GLG1: variants seen among roughly 807,000 people sequenced by gnomAD.
The protein encoded by GLG1 is Golgi apparatus protein 1.
In GLG1, 38 loss-of-function variants were observed where a neutral mutation model predicts 160.5. The ratio of observed to expected loss-of-function variants is 0.24; its 90% confidence interval spans 0.18 to 0.31. The LOEUF is 0.31. Ranked by LOEUF, GLG1 falls within the 10% of genes least tolerant of loss-of-function variation. GLG1 has a pLI of 1.00. For missense variants in GLG1, 1,373 were observed against 1,505.2 expected (o/e 0.91, Z 1.45); for synonymous variants, 644 against 543.4 (o/e 1.19, Z -2.57).
intron 1 of GLG1, among the ~76,000 whole-genome samples, chr16:74,573,069 G>A (rs1336059616): frequency 1.3e-5 from 2 of 152,110 alleles, no homozygotes; most frequent in Non-Finnish European, 2.9e-5. Flanking sequence ...AGTGTTGAGT[G>A]ACTATATTGA....
intron 1 of GLG1, among the ~76,000 whole-genome samples, chr16:74,578,533 A>G (rs1957865732): frequency 6.6e-6 from 1 of 152,242 alleles, no homozygotes; most frequent in Non-Finnish European, 1.5e-5. Flanking sequence ...AAATAAGAGT[A>G]AAGAGCTAAA....
At chr16:74,520,347 A>C (rs1347474114) in intron 2 of GLG1, among the ~76,000 whole-genome samples, 1 of 152,126 alleles carries the variant, frequency 6.6e-6, no homozygotes, top group African/African-American at 2.4e-5. Context: ...CTTTATTTAA[A>C]AACACGTGGC....
intron 3 of GLG1, among the ~76,000 whole-genome samples, chr16:74,506,879 A>G (rs1028253661): frequency 6.6e-6 from 1 of 152,206 alleles, no homozygotes; most frequent in Non-Finnish European, 1.5e-5. Flanking sequence ...ATTTAAGAAT[A>G]GGAGTAAACT....
intron 8 of GLG1, among the ~76,000 whole-genome samples, chr16:74,486,912 A>G (rs965613344): frequency 6.8e-6 from 1 of 147,200 alleles, no homozygotes; most frequent in Admixed American, 6.9e-5. Context: ...TGGGGTAGAA[A>G]TCTTTTTTTT....
intron 2 of GLG1, among the ~76,000 whole-genome samples, chr16:74,520,159 T>C (rs546591138): frequency 2.8e-4 from 42 of 152,280 alleles, no homozygotes; most frequent in African/African-American, 1.0e-3. Context: ...CTTGCAGTCT[T>C]TTCATTTTCC....
chr16:74,483,205 G>A (rs1392017800), intron 9 of GLG1, 81 bp from the exon 10 acceptor site: 1 of 820,452 alleles, frequency 1.2e-6, no homozygotes, highest in Non-Finnish European at 2.0e-6. Flanking sequence ...CTGGTCTGTA[G>A]AAGGCGGCTT....
chr16:74,464,144 C>CCTCA (rs2014913698), intron 19 of GLG1, among the ~76,000 whole-genome samples: 1 of 152,154 alleles, frequency 6.6e-6, no homozygotes, highest in East Asian at 1.9e-4. Context: ...CTTTCTACTG[C>CCTCA]CTCACTGGTT....
chr16:74,563,726 CAAA>C (rs539716895), intron 1 of GLG1, among the ~76,000 whole-genome samples: 2 of 85,634 alleles, frequency 2.3e-5, no homozygotes, highest in Admixed American at 1.2e-4. Context: ...GACCCTGTCT[CAAA>C]AAAAAAAAAA....
intron 1 of GLG1, among the ~76,000 whole-genome samples, chr16:74,573,319 A>T (rs2018889904): frequency 6.6e-6 from 1 of 152,146 alleles, no homozygotes; most frequent in Non-Finnish European, 1.5e-5. Flanking sequence ...AGTGCTAAAT[A>T]TCTGGGTAAA....
intron 1 of GLG1, among the ~76,000 whole-genome samples, chr16:74,533,520 C>A (rs564324692): frequency 6.6e-6 from 1 of 152,166 alleles, no homozygotes; most frequent in African/African-American, 2.4e-5. Context: ...GTGGCTCACA[C>A]CTGTAATCCC....
At chr16:74,566,173 C>G (rs1268129844) in intron 1 of GLG1, among the ~76,000 whole-genome samples, 7 of 152,182 alleles carry the variant, frequency 4.6e-5, no homozygotes, top group Admixed American at 1.3e-4. Context: ...CAAGGTTTCT[C>G]CACTGTAAAA....
At chr16:74,602,543 G>T (rs1365598151) in intron 1 of GLG1, among the ~76,000 whole-genome samples, 6 of 152,330 alleles carry the variant, frequency 3.9e-5, no homozygotes, top group African/African-American at 1.4e-4. Context: ...CAGCACTTTG[G>T]GAGGCCGAGG....
chr16:74,597,215 C>A (rs2081497572), intron 1 of GLG1, among the ~76,000 whole-genome samples: 2 of 150,248 alleles, frequency 1.3e-5, no homozygotes, highest in African/African-American at 4.9e-5. Flanking sequence ...GGAGGATCAC[C>A]AGGTCAAGAG....
rs2014144705 is a variant in GLG1 at position 74,448,272 on chromosome 16, C to G, written c.*4895G>C. On this transcript the variant is annotated 3_prime_UTR_variant, in exon 26 of 26. Coordinates refer to ENST00000422840, the MANE Select transcript of GLG1 (RefSeq NM_001145667.2). ...AATGGGAGGGAAGGCAGGCAAGAACCTCAGACCCGGCCCCACGCCCTCTAG... is the reference window on the plus strand; with the variant it reads ...AATGGGAGGGAAGGCAGGCAAGAACGTCAGACCCGGCCCCACGCCCTCTAG... The G allele has an allele frequency of 6.6e-6, 1 of 152,288 alleles. No homozygotes were observed. The highest frequency in any genetic ancestry group is 6.5e-5 in the Admixed American group (1 of 15,272). 9.4% of individuals were successfully genotyped at this position (152,288 alleles called of 1,614,324 possible). A position where few individuals can be genotyped will look rare whatever the true frequency, so the allele number is the denominator to read the frequency against.
rs1441089068 is a variant in GLG1 at position 74,467,839 on chromosome 16, T to C, written c.2446A>G (p.Ile816Val). The change falls in exon 18 of 26, where the codon ATC becomes GTC. Residue 816 changes from isoleucine to valine, a missense_variant. By Grantham distance (29) the Ile-to-Val change is conservative. This residue lies in a region of GLG1 where 491 missense variants were observed against 632.1 expected (regional missense o/e 0.78). Transcript: ENST00000422840. ...TCGTATAGATCTGGCTCCAAGCGGA[T>C]GTCCTCCGTCTGCATGAGGGAGCCA... is the stretch of plus-strand genomic sequence containing the variant. ...RVEELEMTED[I>V]RLEPDLYEAC... 7.4e-6 allele frequency: 12 copies of C among 1,611,410 alleles called. No homozygotes were observed. In the East Asian group the frequency reaches 1.8e-4, roughly 24 times the overall value.
chr16:74,448,435 G>A lies in GLG1; in HGVS notation c.*4732C>T, dbSNP rs965150260. On this transcript the variant is annotated 3_prime_UTR_variant, in exon 26 of 26. Coordinates refer to ENST00000422840, the MANE Select transcript of GLG1 (RefSeq NM_001145667.2). ...CCCAAATGGTGAGAAATAAAAGGAAGCATTCTGGCCTTTCAGGTTTTTCAA... is the reference window on the plus strand; with the variant it reads ...CCCAAATGGTGAGAAATAAAAGGAAACATTCTGGCCTTTCAGGTTTTTCAA... 5.3e-5 allele frequency: 8 copies of A among 152,300 alleles called. No individual in the cohort carries two copies. Among genetic ancestry groups the A allele is most frequent in the African/African-American group, 1.7e-4 (7 of 41,566 alleles). 9.4% of individuals were successfully genotyped at this position (152,300 alleles called of 1,614,324 possible).
intron 1 of GLG1, among the ~76,000 whole-genome samples, chr16:74,598,722 G>A (rs1335856504): frequency 1.3e-5 from 2 of 150,170 alleles, no homozygotes; most frequent in African/African-American, 4.9e-5. Flanking sequence ...GTGAAACCTC[G>A]TCTCTACAAA....
intron 8 of GLG1, among the ~76,000 whole-genome samples, chr16:74,490,226 T>C (rs1237117494): frequency 6.6e-6 from 1 of 152,228 alleles, no homozygotes; most frequent in Non-Finnish European, 1.5e-5. Context: ...AAATCTCTAA[T>C]ACATTAACTT....
intron 1 of GLG1, among the ~76,000 whole-genome samples, chr16:74,587,870 A>C (rs1441936722): frequency 6.6e-6 from 1 of 152,222 alleles, no homozygotes; most frequent in African/African-American, 2.4e-5. Flanking sequence ...AGAAAAAAAC[A>C]GCTATTGCAA....
Sources: allele counts gnomAD v4.1 joint callset (sites outside exome capture counted in the v4.1 genomes callset), GRCh38; gene constraint gnomAD v4.1.1; regional missense constraint gnomAD v4.1.1; transcripts MANE v1.5; gene names NCBI Gene and HGNC (gene_info 2026-07-23, HGNC 2026-07-21).